Variants in CASD1 observed in about 807,000 individuals in gnomAD.
The protein encoded by CASD1 is CAS1 domain sialic acid O acetyltransferase 1.
In CASD1, 41 loss-of-function variants were observed where a neutral mutation model predicts 100.0. The observed-to-expected ratio is 0.41, with a 90% CI of 0.32 to 0.53. The LOEUF is 0.53. CASD1 is among the 20% of genes least tolerant of loss of function. CASD1 has a pLI of 0.25. For missense variants in CASD1, 774 were observed against 948.7 expected (o/e 0.82, Z 2.42); for synonymous variants, 321 against 315.6 (o/e 1.02, Z -0.18).
At chr7:94,590,254 A>C in the CASD1 span, among the ~76,000 whole-genome samples, 2 of 152,156 alleles carry the variant, frequency 1.3e-5, no homozygotes, top group African/African-American at 4.8e-5. Flanking sequence ...AATGTTATTA[A>C]AATTTTTAAC....
the CASD1 span, chr7:94,618,605 T>C: frequency 1.6e-6 from 1 of 634,040 alleles, no homozygotes; most frequent in Non-Finnish European, 2.7e-6. Flanking sequence ...TCTTTGCCAA[T>C]ATAGAAAATT....
At chr7:94,515,684 A>C (rs547290729) in intron 1 of CASD1, among the ~76,000 whole-genome samples, 6 of 152,168 alleles carry the variant, frequency 3.9e-5, no homozygotes, top group African/African-American at 1.4e-4. Context: ...CTGGGCTTTT[A>C]GTTCAAAGAC....
chr7:94,570,980 C>A, the CASD1 span, among the ~76,000 whole-genome samples: 1 of 150,980 alleles, frequency 6.6e-6, no homozygotes, highest in East Asian at 1.9e-4. Context: ...TCTTGTAAGA[C>A]AGGTCTATTG....
rs1212139428 is a variant in CASD1 at position 94,555,972 on chromosome 7, A to G, written c.*214A>G. ...ACTAAAACAAACAAACAAACAAAAA[A>G]CCAGAATGCATTGTATAGGATTGCA... On this transcript the variant is annotated 3_prime_UTR_variant, in exon 18 of 18. Coordinates refer to ENST00000297273, the MANE Select transcript of CASD1 (RefSeq NM_022900.5). The G allele has an allele frequency of 7.9e-6, 4 of 508,072 alleles. No individual in the cohort carries two copies. Among genetic ancestry groups the G allele is most frequent in the Non-Finnish European group, 1.4e-5 (4 of 291,168 alleles). 31.5% of individuals were successfully genotyped at this position (508,072 alleles called of 1,614,324 possible). A position where few individuals can be genotyped will look rare whatever the true frequency, so the allele number is the denominator to read the frequency against.
chr7:94,514,139 T>C (rs1793856574), intron 1 of CASD1, among the ~76,000 whole-genome samples: 1 of 152,124 alleles, frequency 6.6e-6, no homozygotes, highest in Non-Finnish European at 1.5e-5. Context: ...TTTTTTTCAC[T>C]AAGCATATTA....
the CASD1 span, chr7:94,623,364 C>CAGT: frequency 1.3e-5 from 21 of 1,605,638 alleles, no homozygotes; most frequent in Admixed American, 3.2e-4. Flanking sequence ...TTATGCCTTG[C>CAGT]AGTCTCAAAG....
At chr7:94,567,756 C>CAAAAATAAAATATTAAGGGCAGATAG in the CASD1 span, among the ~76,000 whole-genome samples, 6 of 152,120 alleles carry the variant, frequency 3.9e-5, no homozygotes, top group East Asian at 1.2e-3. Context: ...TTAGATGGTT[C>CAAAAATAAAATATTAAGGGCAGATAG]AAAAATAAAA....
chr7:94,557,928 C>T (rs920414204), downstream of CASD1, among the ~76,000 whole-genome samples: 1 of 151,994 alleles, frequency 6.6e-6, no homozygotes, highest in African/African-American at 2.4e-5. Flanking sequence ...AGATACTGAC[C>T]ATTTGCATTA....
At chr7:94,568,192 G>C in the CASD1 span, among the ~76,000 whole-genome samples, 2 of 152,232 alleles carry the variant, frequency 1.3e-5, no homozygotes, top group East Asian at 3.9e-4. Flanking sequence ...TGAATAGCTA[G>C]TGATACAGAG....
the CASD1 span, among the ~76,000 whole-genome samples, chr7:94,580,503 T>A: frequency 3.3e-5 from 5 of 152,196 alleles, no homozygotes; most frequent in African/African-American, 1.2e-4. Flanking sequence ...TTATTGAAGA[T>A]TTTCTAATTA....
chr7:94,545,647 G>C lies in CASD1; in HGVS notation c.1579G>C (p.Val527Leu), dbSNP rs371230219. Residue 527 changes from valine to leucine, a missense_variant, in exon 12 of 18, where the codon GTC becomes CTC. By Grantham distance (32) the Val-to-Leu change is conservative. Transcript: ENST00000297273. ...FVPLVTVWFM[V>L]IYVTLALWPQ... is the part of the protein sequence containing the mutation. ...CCCCTTGGTCACTGTATGGTTCATG[G>C]TCATATATGTTACTTTAGCACTATG... is the stretch of plus-strand genomic sequence containing the variant. 3.2e-5 allele frequency: 51 copies of C among 1,609,462 alleles called. No individual in the cohort carries two copies. In the East Asian group the frequency reaches 1.0e-3, roughly 32 times the overall value.
At chr7:94,603,776 A>G in the CASD1 span, among the ~76,000 whole-genome samples, 1 of 152,192 alleles carries the variant, frequency 6.6e-6, no homozygotes, top group Non-Finnish European at 1.5e-5. Flanking sequence ...TTTAGTAATT[A>G]CTATATTTAG....
chr7:94,518,319 A>G lies in CASD1; in HGVS notation c.347A>G (p.Asn116Ser), dbSNP rs1445849828. 6.4e-7 allele frequency: 1 copy of G among 1,573,928 alleles called. No individual in the cohort carries two copies. The highest frequency in any genetic ancestry group is 8.6e-7 in the Non-Finnish European group (1 of 1,161,460). The change falls in exon 3 of 18, where the codon AAT becomes AGT. Residue 116 changes from asparagine (N) to serine (S), a missense_variant. This residue lies in a region of CASD1 where 61 missense variants were observed against 115.9 expected (regional missense o/e 0.53). Coordinates refer to ENST00000297273, the MANE Select transcript of CASD1 (RefSeq NM_022900.5). ...IINPQFKEEG[N>S]KHENIPFEDK... ...AATCCCCAATTCAAAGAAGAAGGAA[A>G]TAAGGTAAAACTTGTCTATTCCCTT...
intron 1 of CASD1, among the ~76,000 whole-genome samples, chr7:94,514,898 G>A (rs928120241): frequency 6.6e-6 from 1 of 151,752 alleles, no homozygotes; most frequent in African/African-American, 2.4e-5. Context: ...CCGAAGTTTT[G>A]TTTTGTTTTG....
chr7:94,561,661 T>C (rs569108020), downstream of CASD1, among the ~76,000 whole-genome samples: 1 of 152,070 alleles, frequency 6.6e-6, no homozygotes, highest in Non-Finnish European at 1.5e-5. Context: ...CAGAAACTAC[T>C]GATTATTAAA....
chr7:94,570,119 C>CT, the CASD1 span, among the ~76,000 whole-genome samples: 2 of 152,192 alleles, frequency 1.3e-5, no homozygotes, highest in East Asian at 3.9e-4. Context: ...GGCCCAATCT[C>CT]TGACTTTTCA....
At chr7:94,557,332 C>T (rs558036080), downstream of CASD1, among the ~76,000 whole-genome samples, 1 of 152,176 alleles carries the variant, frequency 6.6e-6, no homozygotes, top group South Asian at 2.1e-4. Flanking sequence ...TTCCTTTTCT[C>T]TCTTCTTTTG....
At chr7:94,629,811 T>C in the CASD1 span, 3 of 1,611,076 alleles carry the variant, frequency 1.9e-6, no homozygotes, top group Non-Finnish European at 2.5e-6. Context: ...TACATTCCGA[T>C]CGGAGTGTAC....
chr7:94,599,887 G>C, the CASD1 span: 30 of 618,570 alleles, frequency 4.8e-5, no homozygotes, highest in Admixed American at 3.7e-4. Context: ...GCTTGGATGA[G>C]TACACATACA....
Sources: gnomAD v4.1 joint callset for allele counts (sites outside exome capture counted in the v4.1 genomes callset) on GRCh38, gnomAD v4.1.1 for gene constraint, gnomAD v4.1.1 regional missense constraint, MANE v1.5 for transcripts, NCBI Gene and HGNC (gene_info 2026-07-23, HGNC 2026-07-21) for gene names.